Variants in RMDN2 observed in about 807,000 individuals in gnomAD.
The protein encoded by RMDN2 is regulator of microtubule dynamics 2, also known as regulator of microtubule dynamics protein 2.
In RMDN2, 61 loss-of-function variants were observed where a neutral mutation model predicts 52.8. The ratio of observed to expected loss-of-function variants is 1.16; its 90% CI spans 0.94 to 1.43. The LOEUF is 1.43. Ranked by LOEUF, RMDN2 falls within the 40% of genes most tolerant of loss-of-function variation. RMDN2 has a pLI of 0.00. For synonymous variants in RMDN2, 180 were observed against 153.1 expected (o/e 1.18, Z -1.30); for missense variants, 592 against 475.3 (o/e 1.25, Z -2.28).
Position 37,970,982 on chromosome 2 carries a change from A to T in RMDN2, c.453-3058A>T, listed in dbSNP as rs541496505. On this transcript the variant is annotated intron_variant, in intron 2 of 10. Coordinates refer to ENST00000354545, the MANE Select transcript of RMDN2 (RefSeq NM_001170791.3). ...TCTTATCAGATATATGATTCATAAC[A>T]TATTTTCTTCTATTCTGTGGGTTTT... 7.9e-5 allele frequency among the ~76,000 whole-genome samples: 12 copies of T among 151,968 alleles called. No homozygotes were observed. The South Asian group carries it at 2.5e-3, about 32-fold the overall frequency.
At chr2:37,945,450 C>G (rs1192520945) in intron 2 of RMDN2, among the ~76,000 whole-genome samples, 1 of 152,154 alleles carries the variant, frequency 6.6e-6, no homozygotes. Flanking sequence ...TTCTTCAAAA[C>G]TTGAAGTGTC....
intron 8 of RMDN2, among the ~76,000 whole-genome samples, chr2:38,003,627 A>G (rs1214100424): frequency 3.5e-5 from 5 of 141,392 alleles, no homozygotes; most frequent in Admixed American, 3.5e-4. Flanking sequence ...CAGACAGACA[A>G]ATATATAGGA....
upstream of RMDN2, among the ~76,000 whole-genome samples, chr2:37,922,676 C>A (rs1666063679): frequency 6.6e-6 from 1 of 152,166 alleles, no homozygotes; most frequent in Non-Finnish European, 1.5e-5. Context: ...TGTAAGCTAG[C>A]AGGGAGGCAT....
intron 2 of RMDN2, among the ~76,000 whole-genome samples, chr2:37,947,899 C>G (rs1316286259): frequency 6.6e-6 from 1 of 152,140 alleles, no homozygotes; most frequent in Admixed American, 6.6e-5. Flanking sequence ...CCTACTTCTC[C>G]CCGTGTGTAA....
intron 2 of RMDN2, among the ~76,000 whole-genome samples, chr2:37,941,500 G>A (rs780469159): frequency 1.4e-4 from 22 of 152,212 alleles, no homozygotes; most frequent in Admixed American, 3.3e-4. Flanking sequence ...CCACAGCCGC[G>A]CCTTCCCCCA....
chr2:38,043,171 C>CTGTTGTTA (rs1205165232), intron 10 of RMDN2, among the ~76,000 whole-genome samples: 17 of 152,150 alleles, frequency 1.1e-4, no homozygotes, highest in African/African-American at 4.1e-4. Context: ...TTTTGACAGT[C>CTGTTGTTA]TGTTGTTATG....
intron 8 of RMDN2, among the ~76,000 whole-genome samples, chr2:38,003,318 C>T (rs1410392910): frequency 6.6e-6 from 1 of 151,882 alleles, no homozygotes; most frequent in Admixed American, 6.6e-5. Context: ...TTTGGGAGGT[C>T]GAGGAGGGTG....
intron 4 of RMDN2, among the ~76,000 whole-genome samples, chr2:37,979,753 G>A (rs1334391168): frequency 1.3e-5 from 2 of 152,054 alleles, no homozygotes; most frequent in Non-Finnish European, 2.9e-5. Flanking sequence ...ATACTACCCG[G>A]CGTCTTTTTA....
chr2:38,027,514 AC>A (rs1172722980), intron 10 of RMDN2: 1 of 152,230 alleles, frequency 6.6e-6, no homozygotes, highest in African/African-American at 2.4e-5. Context: ...CGAAAGTATT[AC>A]ATTTCTTTTT....
At chr2:37,943,656 T>C (rs1319170184) in intron 2 of RMDN2, among the ~76,000 whole-genome samples, 1 of 152,230 alleles carries the variant, frequency 6.6e-6, no homozygotes, top group Non-Finnish European at 1.5e-5. Context: ...GGCAAACTTT[T>C]TCTGTAAGAA....
chr2:38,003,919 A>G (rs1676698850), intron 8 of RMDN2, 72 bp from the exon 9 acceptor site: 1 of 1,147,694 alleles, frequency 8.7e-7, no homozygotes, highest in South Asian at 1.2e-5. Context: ...ATTTAAATAT[A>G]TTCTCTTCAC....
chr2:38,030,115 G>A (rs1228559210), intron 10 of RMDN2: 1 of 152,154 alleles, frequency 6.6e-6, no homozygotes, highest in African/African-American at 2.4e-5. Context: ...TGAGATTTGG[G>A]TGGGGACACA....
chr2:38,023,921 C>G (rs910382390), intron 10 of RMDN2, among the ~76,000 whole-genome samples: 1 of 152,114 alleles, frequency 6.6e-6, no homozygotes, highest in Non-Finnish European at 1.5e-5. Context: ...TCTTCATGCC[C>G]CTTGGTAATC....
chr2:37,992,439 A>G (rs1674933611), intron 7 of RMDN2, among the ~76,000 whole-genome samples: 1 of 152,230 alleles, frequency 6.6e-6, no homozygotes, highest in Non-Finnish European at 1.5e-5. Context: ...ATACACAATG[A>G]TGCCTTCATT....
chr2:38,044,933 A>C (rs951491230), intron 10 of RMDN2, among the ~76,000 whole-genome samples: 1 of 152,136 alleles, frequency 6.6e-6, no homozygotes, highest in African/African-American at 2.4e-5. Flanking sequence ...TTGGCAAGTG[A>C]CACATCCAAA....
At chr2:38,026,688 T>C (rs191660556) in intron 10 of RMDN2, among the ~76,000 whole-genome samples, 25 of 152,180 alleles carry the variant, frequency 1.6e-4, no homozygotes, top group Admixed American at 1.4e-3. Context: ...GTGCCATGAT[T>C]GTTTGCCACA....
At chr2:37,978,396 T>C (rs931869110) in intron 4 of RMDN2, among the ~76,000 whole-genome samples, 4 of 152,050 alleles carry the variant, frequency 2.6e-5, no homozygotes, top group East Asian at 3.9e-4. Context: ...CTGGGTATTA[T>C]GTACTAAGGT....
intron 10 of RMDN2, among the ~76,000 whole-genome samples, chr2:38,014,014 C>G (rs186026250): frequency 7.2e-4 from 110 of 152,186 alleles, no homozygotes; most frequent in African/African-American, 2.6e-3. Context: ...CGAGACCAGC[C>G]TGAGCAACAT....
chr2:38,009,931 T>G (rs1345538025), intron 10 of RMDN2, among the ~76,000 whole-genome samples: 1 of 152,206 alleles, frequency 6.6e-6, no homozygotes, highest in African/African-American at 2.4e-5. Flanking sequence ...CTTCTAACAG[T>G]CAGGACCCTC....
Sources: allele counts gnomAD v4.1 joint callset (sites outside exome capture counted in the v4.1 genomes callset), GRCh38; gene constraint gnomAD v4.1.1; transcripts MANE v1.5; gene names NCBI Gene and HGNC (gene_info 2026-07-23, HGNC 2026-07-21).